The following CTNNA1 variants were observed in gnomAD, a reference collection of about 807,000 sequenced individuals.
CTNNA1 encodes the protein catenin alpha-1.
CTNNA1 carries 37 observed loss-of-function variants against 98.4 expected under a neutral mutation model. The observed-to-expected ratio is 0.38, with a 90% CI of 0.29 to 0.49. The LOEUF is 0.49. Ranked by LOEUF, CTNNA1 falls within the 20% of genes least tolerant of loss-of-function variation. The pLI is 0.95. For synonymous variants in CTNNA1, 404 were observed against 413.2 expected (o/e 0.98, Z 0.27); for missense variants, 761 against 1,147.2 (o/e 0.66, Z 4.86).
At chr5:138,930,681 C>G in intron 15 of CTNNA1, 27 bp downstream of exon 15, 2 of 1,601,566 alleles carry the variant, frequency 1.2e-6, no homozygotes, top group Non-Finnish European at 1.7e-6. Flanking sequence ...CCCCACCAGG[C>G]TGCACAGGGG....
At chr5:138,891,782 A>G (rs948916165) in intron 9 of CTNNA1, among the ~76,000 whole-genome samples, 13 of 152,076 alleles carry the variant, frequency 8.5e-5, no homozygotes, top group African/African-American at 2.9e-4. Context: ...AATAACAACA[A>G]CCACAAAAAC....
intron 7 of CTNNA1, among the ~76,000 whole-genome samples, chr5:138,849,984 A>G (rs1763046758): frequency 6.6e-6 from 1 of 151,106 alleles, no homozygotes; most frequent in South Asian, 2.1e-4. Context: ...TTGTAGATAC[A>G]ATAAAACACA....
intron 7 of CTNNA1, among the ~76,000 whole-genome samples, chr5:138,883,689 GTT>G (rs1753439571): frequency 6.6e-6 from 1 of 152,166 alleles, no homozygotes; most frequent in Non-Finnish European, 1.5e-5. Flanking sequence ...GATTCTAAGT[GTT>G]TTCTAGAACA....
intron 7 of CTNNA1, among the ~76,000 whole-genome samples, chr5:138,831,826 G>T (rs1365783873): frequency 1.3e-5 from 2 of 152,162 alleles, no homozygotes; most frequent in Non-Finnish European, 2.9e-5. Context: ...GCTGCAAGAG[G>T]TGCTCAGTAA....
chr5:138,922,138 A>G (rs1763040704), intron 11 of CTNNA1, among the ~76,000 whole-genome samples: 1 of 152,164 alleles, frequency 6.6e-6, no homozygotes, highest in Non-Finnish European at 1.5e-5. Context: ...GACATCTTTT[A>G]TGGAGAATGC....
At position 138,934,089 on chromosome 5, in the gene CTNNA1, A is replaced by C. The variant is rs1355973277; in HGVS notation, c.2721A>C (p.Ter907TyrextTer41). ...LSEFKAMDSI[*>Y] ...AGTTCAAAGCTATGGACAGCATCTA[A>C]GTCTGCCCAGGCCGGCCGCCCCCAC... is the stretch of plus-strand genomic sequence containing the variant. Residue 907 changes from the stop codon to tyrosine (Y), a stop_lost, in exon 18 of 18, where the codon TAA (stop) becomes TAC (tyrosine). Transcript: ENST00000302763. The C allele has an allele frequency of 6.2e-7, 1 of 1,609,302 alleles. No individual in the cohort carries two copies. Among genetic ancestry groups the C allele is most frequent in the South Asian group, 1.1e-5 (1 of 90,994 alleles).
intron 3 of CTNNA1, among the ~76,000 whole-genome samples, chr5:138,808,089 T>C (rs1758287692): frequency 6.6e-6 from 1 of 152,216 alleles, no homozygotes; most frequent in South Asian, 2.1e-4. Flanking sequence ...AAATATCTCT[T>C]TCTGCATGGC....
At chr5:138,853,029 CTA>C (rs1458795657) in intron 7 of CTNNA1, among the ~76,000 whole-genome samples, 7 of 152,234 alleles carry the variant, frequency 4.6e-5, no homozygotes, top group African/African-American at 1.7e-4. Flanking sequence ...GCTGACTACA[CTA>C]TGTATTTGAC....
intron 6 of CTNNA1, among the ~76,000 whole-genome samples, chr5:138,826,654 T>G (rs1275827449): frequency 6.6e-6 from 1 of 152,216 alleles, no homozygotes; most frequent in Non-Finnish European, 1.5e-5. Context: ...AGTCTCTAAT[T>G]TAGACATAAC....
At chr5:138,796,998 AC>A (rs1466949501) in intron 3 of CTNNA1, among the ~76,000 whole-genome samples, 3 of 152,170 alleles carry the variant, frequency 2.0e-5, no homozygotes, top group Admixed American at 6.5e-5. Flanking sequence ...GGCTACAGAT[AC>A]CCATTTATTT....
At chr5:138,915,271 A>G (rs1019066795) in intron 10 of CTNNA1, among the ~76,000 whole-genome samples, 4 of 152,358 alleles carry the variant, frequency 2.6e-5, no homozygotes, top group African/African-American at 7.2e-5. Context: ...CACTTATTCA[A>G]TGAATACAGC....
intron 10 of CTNNA1, among the ~76,000 whole-genome samples, chr5:138,910,790 GC>G (rs1360591737): frequency 6.6e-6 from 1 of 152,134 alleles, no homozygotes; most frequent in Non-Finnish European, 1.5e-5. Flanking sequence ...AACAGCAAGT[GC>G]AAAAGCTTGG....
At chr5:138,859,531 A>G (rs911771885) in intron 7 of CTNNA1, among the ~76,000 whole-genome samples, 5 of 152,356 alleles carry the variant, frequency 3.3e-5, no homozygotes, top group South Asian at 2.1e-4. Context: ...CATGTCATAT[A>G]TTGAATCTTA....
rs2150348886 is a variant in CTNNA1, at chr5:138,932,570, C to T, written c.2299-8C>T. The T allele has an allele frequency of 6.2e-7, 1 of 1,614,058 alleles. No individual in the cohort carries two copies. Among genetic ancestry groups the T allele is most frequent in the Non-Finnish European group, 8.5e-7 (1 of 1,179,968 alleles). On this transcript the variant is annotated splice_polypyrimidine_tract_variant and splice_region_variant and intron_variant, in intron 16 of 17. Transcript: ENST00000302763. ...GGATACTTGGTGTTAAGCCTGCTCT[C>T]TCTTCAGTGCCCCGACTCGGCTTGC...
At chr5:138,803,582 C>T (rs1757788900) in intron 3 of CTNNA1, among the ~76,000 whole-genome samples, 1 of 152,174 alleles carries the variant, frequency 6.6e-6, no homozygotes, top group Non-Finnish European at 1.5e-5. Flanking sequence ...CATTGGCTTC[C>T]TTGGCCTTCC....
chr5:138,811,176 C>T (rs1404411031), intron 4 of CTNNA1, among the ~76,000 whole-genome samples: 9 of 149,046 alleles, frequency 6.0e-5, no homozygotes, highest in East Asian at 2.1e-4. Context: ...GGTTGCCAGG[C>T]GGAGGGTCTC....
intron 6 of CTNNA1, among the ~76,000 whole-genome samples, chr5:138,827,064 A>G (rs1218919254): frequency 6.6e-6 from 1 of 152,208 alleles, no homozygotes; most frequent in Non-Finnish European, 1.5e-5. Context: ...GGCATAAGCC[A>G]CCACACCTGG....
At chr5:138,793,219 G>A (rs182204507) in intron 3 of CTNNA1, among the ~76,000 whole-genome samples, 25 of 152,298 alleles carry the variant, frequency 1.6e-4, no homozygotes, top group Middle Eastern at 3.4e-3. Context: ...TTAGCTGGTT[G>A]TCATCTGGGA....
intron 3 of CTNNA1, among the ~76,000 whole-genome samples, chr5:138,791,787 CTTTTT>C (rs1168548486): frequency 4.3e-5 from 4 of 92,264 alleles, no homozygotes; most frequent in Non-Finnish European, 6.1e-5. Context: ...GTTTTCTCAG[CTTTTT>C]TTTTTTTTTT....
Sources: allele counts gnomAD v4.1 joint callset (sites outside exome capture counted in the v4.1 genomes callset), GRCh38; gene constraint gnomAD v4.1.1; transcripts MANE v1.5; gene names NCBI Gene and HGNC (gene_info 2026-07-23, HGNC 2026-07-21).